PRKX: variants seen among roughly 807,000 people sequenced by gnomAD.
PRKX encodes protein kinase cAMP-dependent X-linked catalytic subunit, also known as cAMP-dependent protein kinase catalytic subunit PRKX.
PRKX carries 12 observed loss-of-function variants against 22.0 expected under a neutral mutation model. That is an observed-to-expected ratio of 0.54 (90% CI 0.35 to 0.88). The LOEUF is 0.88. Among genes scored for constraint, PRKX ranks in the 40% least tolerant of loss-of-function variants. The probability of loss-of-function intolerance (pLI) is 0.01; values close to 1 mark genes in which losing one functional copy is unlikely to be tolerated. For synonymous variants in PRKX, 134 were observed against 137.7 expected (o/e 0.97, Z 0.19); for missense variants, 217 against 308.0 (o/e 0.70, Z 2.21).
At chrX:3,680,505 A>G (rs1439917784) in intron 1 of PRKX, among the ~76,000 whole-genome samples, 1 of 111,394 alleles carries the variant, frequency 9.0e-6, no homozygotes, top group Non-Finnish European at 1.9e-5. Context: ...CACACTCCCA[A>G]TAAAGAGCAA....
At chrX:3,680,404 A>G in intron 1 of PRKX, among the ~76,000 whole-genome samples, 1 of 110,960 alleles carries the variant, frequency 9.0e-6, no homozygotes, top group Middle Eastern at 4.7e-3. Flanking sequence ...TCGGCCTCCC[A>G]AAGTGCTAGG....
Position 3,688,707 on chromosome X carries a change from A to G in PRKX, c.167-13941T>C, listed in dbSNP as rs867207685. Among the ~76,000 whole-genome samples the G allele has an allele frequency of 7.5e-5, 8 of 106,007 alleles. No individual in the cohort carries two copies. In the South Asian group the frequency reaches 2.9e-3, roughly 38 times the overall value. The allele number at this position is 106,007 out of a possible 115,157, so 92.1% of individuals were successfully genotyped here. A position where few individuals can be genotyped will look rare whatever the true frequency, so the allele number is the denominator to read the frequency against. Reference sequence around the variant, plus strand: ...GCCAGACACCATCTATAAAAAAAAAAAATTTTTTTTAATGAGCCGGGTGTG... The same window carrying G: ...GCCAGACACCATCTATAAAAAAAAAGAATTTTTTTTAATGAGCCGGGTGTG... On this transcript the variant is annotated intron_variant, in intron 1 of 8. Transcript: ENST00000262848.
At chrX:3,694,230 T>C (rs7892187) in intron 1 of PRKX, among the ~76,000 whole-genome samples, 45,320 of 104,859 alleles carry the variant, frequency 0.43, 8,007 homozygotes, top group African/African-American at 0.61. Context: ...CCACTAAAAA[T>C]ATAAAAAATA....
At chrX:3,684,679 C>G (rs7060416) in intron 1 of PRKX, among the ~76,000 whole-genome samples, 19,372 of 110,928 alleles carry the variant, frequency 0.17, 2,218 homozygotes, top group African/African-American at 0.42. Flanking sequence ...GGCTGGAAGT[C>G]GGAGACCCAG....
At position 3,607,575 on chromosome X, in the gene PRKX, CCTA is replaced by C. The variant is rs1265451622; in HGVS notation, c.*1391_*1393del. ...ATTGTAAAGAGTTTATTCTGCTGAACCTACTAATTATTCTCACCTACTGAGTTG... is the reference window on the plus strand; with the variant it reads ...ATTGTAAAGAGTTTATTCTGCTGAACCTAATTATTCTCACCTACTGAGTTG... On this transcript the variant is annotated 3_prime_UTR_variant, in exon 9 of 9. Transcript: ENST00000262848. 1.8e-5 allele frequency: 2 copies of C among 111,386 alleles called. No individual in the cohort carries two copies. Among genetic ancestry groups the C allele is most frequent in the East Asian group, 5.6e-4 (2 of 3,568 alleles). 9.2% of individuals were successfully genotyped at this position (111,386 alleles called of 1,213,427 possible).
intron 2 of PRKX, among the ~76,000 whole-genome samples, chrX:3,672,108 T>C (rs1927858847): frequency 9.0e-6 from 1 of 111,314 alleles, no homozygotes; most frequent in Non-Finnish European, 1.9e-5. Flanking sequence ...GGAAGGAGGA[T>C]GGCTTAAGCC....
intron 3 of PRKX, among the ~76,000 whole-genome samples, chrX:3,646,956 A>C (rs1462136829): frequency 9.0e-6 from 1 of 110,604 alleles, no homozygotes. Flanking sequence ...AGCAAAATTA[A>C]AAGGGGCTCA....
intron 2 of PRKX, among the ~76,000 whole-genome samples, chrX:3,656,698 G>A (rs1927488370): frequency 9.0e-6 from 1 of 111,680 alleles, no homozygotes; most frequent in African/African-American, 3.3e-5. Context: ...GTTAAGAGGT[G>A]TATAATCAGA....
chrX:3,678,026 G>T (rs1449176270), intron 1 of PRKX, among the ~76,000 whole-genome samples: 1 of 112,141 alleles, frequency 8.9e-6, no homozygotes, highest in Non-Finnish European at 1.9e-5. Context: ...AAGACAGGAA[G>T]TGGGAGAAGG....
intron 1 of PRKX, among the ~76,000 whole-genome samples, chrX:3,691,870 C>A (rs114367379): frequency 9.9e-5 from 9 of 91,361 alleles, no homozygotes; most frequent in Middle Eastern, 5.4e-3. Context: ...GATTGAATGA[C>A]TGACTGGATG....
chrX:3,621,700 C>T (rs113873679), intron 5 of PRKX, among the ~76,000 whole-genome samples: 7,647 of 111,976 alleles, frequency 0.068, 239 homozygotes, highest in Non-Finnish European at 0.1. Flanking sequence ...AACACTCACG[C>T]GCTGTCCTGG....
At chrX:3,653,886 A>G (rs1450278176) in intron 3 of PRKX, among the ~76,000 whole-genome samples, 1 of 79,185 alleles carries the variant, frequency 1.3e-5, no homozygotes, top group African/African-American at 5.3e-5. Flanking sequence ...TGTGATATAT[A>G]TATTATATAT....
intron 3 of PRKX, among the ~76,000 whole-genome samples, chrX:3,653,821 T>TATATATATTATATATTATATACTATGTG (rs1331894670): frequency 2.9e-5 from 2 of 69,656 alleles, no homozygotes; most frequent in South Asian, 7.0e-4. Context: ...TACTATGTGA[T>TATATATATTATATATTATATACTATGTG]ATATATATTA....
chrX:3,702,840 T>C (rs12845114), intron 1 of PRKX, among the ~76,000 whole-genome samples: 2 of 108,360 alleles, frequency 1.8e-5, no homozygotes, highest in African/African-American at 6.8e-5. Context: ...ACCACAGGCA[T>C]GCGTCCCCAT....
chrX:3,650,430 A>G (rs1210974277), intron 3 of PRKX, among the ~76,000 whole-genome samples: 1 of 98,918 alleles, frequency 1.0e-5, no homozygotes, highest in Non-Finnish European at 2.0e-5. Context: ...CTGAGGCAGG[A>G]GAATGGCGTG....
chrX:3,632,463 C>CCCTGTCTAAATACAT (rs373575978), intron 4 of PRKX, among the ~76,000 whole-genome samples: 2 of 110,315 alleles, frequency 1.8e-5, no homozygotes, highest in Non-Finnish European at 3.8e-5. Flanking sequence ...TGGGTGGCGA[C>CCCTGTCTAAATACAT]TCAGCTGTGT....
At chrX:3,710,428 G>A (rs1290193018) in intron 1 of PRKX, among the ~76,000 whole-genome samples, 1 of 112,266 alleles carries the variant, frequency 8.9e-6, no homozygotes, top group African/African-American at 3.2e-5. Context: ...CTGGAGCGCA[G>A]TGGTGTGATC....
At chrX:3,677,537 A>G (rs1348717821) in intron 1 of PRKX, among the ~76,000 whole-genome samples, 3 of 110,398 alleles carry the variant, frequency 2.7e-5, no homozygotes. Flanking sequence ...TTTGAGAAGG[A>G]AAAAAAAAGA....
At chrX:3,631,182 G>A (rs918266609) in intron 4 of PRKX, among the ~76,000 whole-genome samples, 9 of 112,112 alleles carry the variant, frequency 8.0e-5, no homozygotes, top group African/African-American at 2.9e-4. Flanking sequence ...AAAATTCAGT[G>A]GAGTGGACGG....
Sources: allele counts gnomAD v4.1 joint callset (sites outside exome capture counted in the v4.1 genomes callset), GRCh38; gene constraint gnomAD v4.1.1; transcripts MANE v1.5; gene names NCBI Gene and HGNC (gene_info 2026-07-23, HGNC 2026-07-21).